MTERF4: variants seen among roughly 807,000 people sequenced by gnomAD.
MTERF4 encodes the protein transcription termination factor 4, mitochondrial.
A neutral mutation model predicts 22.5 loss-of-function variants in MTERF4; 17 were observed. The ratio of observed to expected loss-of-function variants is 0.75; its 90% CI spans 0.52 to 1.13. MTERF4 has a LOEUF of 1.13. MTERF4 is among the 50% of genes most tolerant of loss of function. The probability of loss-of-function intolerance (pLI) is 0.00; values close to 1 mark genes in which losing one functional copy is unlikely to be tolerated. For synonymous variants in MTERF4, 165 were observed against 175.3 expected, an observed-to-expected ratio of 0.94 and a Z score of 0.47; for missense variants, 420 against 466.8, an observed-to-expected ratio of 0.90 and a Z score of 0.92.
At chr2:241,065,642 G>A in the MTERF4 span, 10 of 1,554,464 alleles carry the variant, frequency 6.4e-6, no homozygotes, top group Admixed American at 1.8e-5. Flanking sequence ...CCTGCCCCTC[G>A]AGGGCAGCGC....
chr2:241,056,609 C>G, the MTERF4 span, among the ~76,000 whole-genome samples: 1 of 50,718 alleles, frequency 2.0e-5, no homozygotes. Context: ...GAGACGGAGT[C>G]TCGCTCTGTC....
chr2:241,069,736 C>T (rs2062616956), downstream of MTERF4, among the ~76,000 whole-genome samples: 1 of 152,130 alleles, frequency 6.6e-6, no homozygotes, highest in African/African-American at 2.4e-5. This position sits in a 1 kb window ranked among gnomAD's most constrained non-coding sequence, Gnocchi z 4.9. Context: ...CTGCAGGTCT[C>T]TCGGTTGGAA....
the MTERF4 span, chr2:241,053,165 GC>G: frequency 1.9e-6 from 3 of 1,610,124 alleles, no homozygotes; most frequent in Non-Finnish European, 8.5e-7. Flanking sequence ...GTGGACTGCG[GC>G]CCCCCGGAGG....
the MTERF4 span, among the ~76,000 whole-genome samples, chr2:241,052,945 T>A: frequency 1.3e-5 from 2 of 152,054 alleles, no homozygotes. Flanking sequence ...TTCTTGCTAA[T>A]CCCTGCAGAG....
At chr2:241,082,638 C>T (rs1214468914), downstream of MTERF4, among the ~76,000 whole-genome samples, 1 of 152,238 alleles carries the variant, frequency 6.6e-6, no homozygotes, top group African/African-American at 2.4e-5. Context: ...CCTTCCCACA[C>T]ATCAGCCCAG....
At chr2:241,068,989 G>C, downstream of MTERF4, 1 of 1,555,532 alleles carries the variant, frequency 6.4e-7, no homozygotes, top group Non-Finnish European at 8.7e-7. This position sits in a 1 kb window ranked among gnomAD's most constrained non-coding sequence, Gnocchi z 5.3. Flanking sequence ...ACCCCACAGA[G>C]AGCCTGGCCA....
the MTERF4 span, among the ~76,000 whole-genome samples, chr2:241,066,049 G>A: frequency 1.3e-5 from 2 of 152,202 alleles, no homozygotes; most frequent in African/African-American, 2.4e-5. Flanking sequence ...GGTGTGCTAA[G>A]GGGAGGCATC....
chr2:241,079,608 T>C (rs181287917), intron 4 of MTERF4, among the ~76,000 whole-genome samples: 1 of 152,256 alleles, frequency 6.6e-6, no homozygotes, highest in East Asian at 1.9e-4. Context: ...TGAATGAACC[T>C]TGTTTTACAG....
intron 2 of MTERF4, 22 bp from the exon 3 acceptor site, chr2:241,097,449 C>A (rs1245021518): frequency 1.2e-6 from 2 of 1,602,200 alleles, no homozygotes; most frequent in Non-Finnish European, 1.7e-6. Flanking sequence ...TCAAAAAAGG[C>A]AAGCATATAA....
chr2:241,048,551 C>A, the MTERF4 span: 1 of 1,489,198 alleles, frequency 6.7e-7, no homozygotes, highest in South Asian at 1.3e-5. Flanking sequence ...TGTGAGTGCG[C>A]GTCCACTGCA....
chr2:241,062,939 T>C, the MTERF4 span: 5 of 1,353,510 alleles, frequency 3.7e-6, no homozygotes, highest in Non-Finnish European at 5.1e-6. Flanking sequence ...GGGTGACAGC[T>C]GCAGCACACT....
the MTERF4 span, among the ~76,000 whole-genome samples, chr2:241,062,296 A>C: frequency 6.6e-6 from 1 of 152,202 alleles, no homozygotes; most frequent in Non-Finnish European, 1.5e-5. Flanking sequence ...TCACTAAGTC[A>C]TTACCATTTA....
At chr2:241,085,403 G>A (rs1356569240), downstream of MTERF4, among the ~76,000 whole-genome samples, 1 of 152,078 alleles carries the variant, frequency 6.6e-6, no homozygotes, top group Non-Finnish European at 1.5e-5. Context: ...TATTAATACT[G>A]TGTTTTATCA....
downstream of MTERF4, among the ~76,000 whole-genome samples, chr2:241,091,120 A>C (rs565504172): frequency 6.6e-6 from 1 of 150,902 alleles, no homozygotes; most frequent in East Asian, 2.0e-4. The surrounding 1 kb of genome is among the most constrained non-coding windows in gnomAD (Gnocchi z 4.1). Flanking sequence ...AGAAACCCCC[A>C]ACTAATTATC....
At chr2:241,048,190 G>A in the MTERF4 span, 7 of 1,167,716 alleles carry the variant, frequency 6.0e-6, no homozygotes, top group African/African-American at 7.8e-5. Flanking sequence ...ATAAGCTTCT[G>A]GCTTAAATTC....
At position 241,096,461 on chromosome 2, in the gene MTERF4, G is replaced by GCTAA. The variant is rs1183767521; in HGVS notation, c.706-24_706-23insTTAG. 6.2e-7 allele frequency: 1 copy of GCTAA among 1,611,024 alleles called. No homozygotes were observed. Among genetic ancestry groups the GCTAA allele is most frequent in the South Asian group, 1.1e-5 (1 of 90,980 alleles). On this transcript the variant is annotated intron_variant, in intron 3 of 3. Transcript: ENST00000391980. The surrounding 1 kb of genome is among the most constrained non-coding windows in gnomAD (Gnocchi z 5.1). The stretch of plus-strand genomic sequence containing the variant: ...ATACTGGAAGACACAAACACACTTA[G>GCTAA]GAGTCCCAGATACAGAGTATTGAAA...
downstream of MTERF4, chr2:241,088,406 C>T (rs376903624): frequency 5.6e-6 from 9 of 1,609,706 alleles, no homozygotes; most frequent in African/African-American, 4.0e-5. Flanking sequence ...TCTTAAGGTA[C>T]GTCCCTGCTG....
chr2:241,093,977 A>T (rs1010761823), downstream of MTERF4: 2 of 202,922 alleles, frequency 9.9e-6, no homozygotes, highest in African/African-American at 4.7e-5. Context: ...TGATCATCTA[A>T]CCAAGTGCAG....
Position 241,095,695 on chromosome 2 carries a change from A to G in MTERF4, c.*303T>C, listed in dbSNP as rs1205849423. The G allele has an allele frequency of 2.9e-6, 1 of 347,476 alleles. No homozygotes were observed. The highest frequency in any genetic ancestry group is 5.2e-6 in the Non-Finnish European group (1 of 192,466). 21.5% of individuals were successfully genotyped at this position (347,476 alleles called of 1,614,324 possible). A position where few individuals can be genotyped will look rare whatever the true frequency, so the allele number is the denominator to read the frequency against. On this transcript the variant is annotated 3_prime_UTR_variant, in exon 4 of 4. Transcript: ENST00000391980. ...ACCAACATATTCAAAAGAGAAAAAA[A>G]TAAAACCAATTGTTGATATATTGAG... is the stretch of plus-strand genomic sequence containing the variant.
Sources: gnomAD v4.1 joint callset for allele counts (sites outside exome capture counted in the v4.1 genomes callset) on GRCh38, gnomAD v4.1.1 for gene constraint, Gnocchi (gnomAD v3.1) non-coding constraint, MANE v1.5 for transcripts, NCBI Gene and HGNC (gene_info 2026-07-23, HGNC 2026-07-21) for gene names.